GRPR: variants seen among roughly 807,000 people sequenced by gnomAD.
The protein encoded by GRPR is gastrin-releasing peptide receptor.
GRPR carries 4 observed loss-of-function variants against 15.6 expected under a neutral mutation model. The ratio of observed to expected loss-of-function variants is 0.26; its 90% CI spans 0.13 to 0.59. The LOEUF is 0.59. Among genes scored for constraint, GRPR ranks in the 20% least tolerant of loss-of-function variants. GRPR has a pLI of 0.90. For missense variants in GRPR, 270 were observed against 304.1 expected (o/e 0.89, Z 0.83); for synonymous variants, 128 against 126.8 (o/e 1.01, Z -0.06).
chrX:16,144,744 A>C (rs764382224), intron 1 of GRPR, among the ~76,000 whole-genome samples: 3 of 111,867 alleles, frequency 2.7e-5, no homozygotes, highest in African/African-American at 9.7e-5. Context: ...CAATTGTTTG[A>C]GCCCCATATT....
At chrX:16,124,427 T>A in intron 1 of GRPR, 61 bp downstream of exon 1, 1 of 1,028,168 alleles carries the variant, frequency 9.7e-7, no homozygotes, top group East Asian at 3.0e-5. Flanking sequence ...GTAAATGAAC[T>A]ACCATGTCGG....
intron 1 of GRPR, among the ~76,000 whole-genome samples, chrX:16,147,109 T>A (rs1922617908): frequency 8.9e-6 from 1 of 111,883 alleles, no homozygotes; most frequent in Non-Finnish European, 1.9e-5. Context: ...AGAAAATTGT[T>A]TGCAATGCAT....
chrX:16,145,586 A>G (rs747298046), intron 1 of GRPR, among the ~76,000 whole-genome samples: 6 of 112,256 alleles, frequency 5.3e-5, no homozygotes, highest in Non-Finnish European at 1.1e-4. Context: ...ACTATTTGTC[A>G]GCACAACAGG....
chrX:16,149,523 T>C (rs1012488952), intron 1 of GRPR, among the ~76,000 whole-genome samples: 2 of 109,593 alleles, frequency 1.8e-5, no homozygotes, highest in Non-Finnish European at 3.8e-5. Flanking sequence ...TTCTCCTGGG[T>C]ATTACTTTTT....
chrX:16,128,372 G>A (rs1380244801), intron 1 of GRPR, among the ~76,000 whole-genome samples: 3 of 110,780 alleles, frequency 2.7e-5, no homozygotes, highest in Admixed American at 1.9e-4. Context: ...AAAATTAGCC[G>A]GGTGTGGTGG....
chrX:16,139,461 A>AT lies in GRPR; in HGVS notation c.414-10830dup, dbSNP rs57778436. Among the ~76,000 whole-genome samples the AT allele has an allele frequency of 1.2e-3, 126 of 103,824 alleles. 1 individual carries two copies. The highest frequency in any genetic ancestry group is 2.4e-3 in the African/African-American group (68 of 28,786). The allele number at this position is 103,824 out of a possible 115,157, so 90.2% of individuals were successfully genotyped here. A position where few individuals can be genotyped will look rare whatever the true frequency, so the allele number is the denominator to read the frequency against. On this transcript the variant is annotated intron_variant, in intron 1 of 2. Coordinates refer to ENST00000380289, the MANE Select transcript of GRPR (RefSeq NM_005314.3). ...TCTTAAAACATGAGATTTTTTTGAG[A>AT]TTTTTTTTTTTTTTACTTGTCAGCT... is the stretch of plus-strand genomic sequence containing the variant.
At position 16,152,939 on chromosome X, in the gene GRPR, A is replaced by C; in HGVS notation, c.*294A>C. The C allele has an allele frequency of 5.8e-6, 2 of 343,067 alleles. No homozygotes were observed. The highest frequency in any genetic ancestry group is 5.2e-6 in the Non-Finnish European group (1 of 193,472). The allele number at this position is 343,067 out of a possible 1,213,427, so 28.3% of individuals were successfully genotyped here. ...TTTTTTAAGCCTCAAGCCCTGTTAA[A>C]TGGTCGTGGCCAATTATGTCATAGA... On this transcript the variant is annotated 3_prime_UTR_variant, in exon 3 of 3. Transcript: ENST00000380289.
chrX:16,152,940 T>G lies in GRPR; in HGVS notation c.*295T>G, dbSNP rs1028890599. The stretch of plus-strand genomic sequence containing the variant: ...TTTTTAAGCCTCAAGCCCTGTTAAA[T>G]GGTCGTGGCCAATTATGTCATAGAA... On this transcript the variant is annotated 3_prime_UTR_variant, in exon 3 of 3. Coordinates refer to ENST00000380289, the MANE Select transcript of GRPR (RefSeq NM_005314.3). The G allele has an allele frequency of 1.5e-5, 5 of 342,586 alleles. No individual in the cohort carries two copies. The highest frequency in any genetic ancestry group is 1.5e-5 in the Non-Finnish European group (3 of 193,923). 28.2% of individuals were successfully genotyped at this position (342,586 alleles called of 1,213,427 possible).
At chrX:16,147,421 T>C (rs1348696165) in intron 1 of GRPR, among the ~76,000 whole-genome samples, 1 of 112,077 alleles carries the variant, frequency 8.9e-6, no homozygotes, top group Non-Finnish European at 1.9e-5. Context: ...ATTTGGTTGA[T>C]ATGTCTTTCA....
intron 1 of GRPR, among the ~76,000 whole-genome samples, chrX:16,139,071 C>T (rs996225157): frequency 8.9e-6 from 1 of 112,236 alleles, no homozygotes; most frequent in Admixed American, 9.4e-5. Context: ...TGACTTTGGG[C>T]AAACCACTTT....
At chrX:16,127,128 C>A (rs753736902) in intron 1 of GRPR, among the ~76,000 whole-genome samples, 11 of 110,879 alleles carry the variant, frequency 9.9e-5, no homozygotes, top group Non-Finnish European at 1.9e-4. Context: ...GATTCCTAGG[C>A]CCTGTCCTAA....
chrX:16,141,378 A>G (rs1260774217), intron 1 of GRPR, among the ~76,000 whole-genome samples: 1 of 111,924 alleles, frequency 8.9e-6, no homozygotes, highest in Non-Finnish European at 1.9e-5. Flanking sequence ...AAGCTTCTAC[A>G]TCCCTCATAT....
At position 16,125,964 on chromosome X, in the gene GRPR, C is replaced by T. The variant is rs146739976; in HGVS notation, c.413+1598C>T. Reference sequence around the variant, plus strand: ...AATGGGAAGGAGAGATTTTGGTTTCCGGGTTGGTGAGTGCAGTGGTACAGA... The same window carrying T: ...AATGGGAAGGAGAGATTTTGGTTTCTGGGTTGGTGAGTGCAGTGGTACAGA... On this transcript the variant is annotated intron_variant, in intron 1 of 2. Transcript: ENST00000380289. Among the ~76,000 whole-genome samples, 10 of 111,105 alleles carry T rather than the reference C, an allele frequency of 9.0e-5. No individual in the cohort carries two copies. In the East Asian group the frequency reaches 2.0e-3, roughly 22 times the overall value.
At chrX:16,150,006 TTTAA>T (rs1448899703) in intron 1 of GRPR, among the ~76,000 whole-genome samples, 2 of 111,805 alleles carry the variant, frequency 1.8e-5, no homozygotes, top group African/African-American at 6.5e-5. Flanking sequence ...TTTATTTATT[TTTAA>T]TTGGCTTTAA....
intron 1 of GRPR, among the ~76,000 whole-genome samples, chrX:16,135,470 A>G (rs982954908): frequency 1.8e-5 from 2 of 112,210 alleles, no homozygotes; most frequent in East Asian, 2.8e-4. Context: ...GAAGTAGGGG[A>G]AAAATGCAAA....
In GRPR at chrX:16,133,263, A is replaced by T. The variant is rs763331299; in HGVS notation, c.413+8897A>T. Reference sequence around the variant, plus strand: ...CTGATAGAATCTACTACAAATTGGAACTTTCCTACTTCCTGGACAATGTAA... The same window carrying T: ...CTGATAGAATCTACTACAAATTGGATCTTTCCTACTTCCTGGACAATGTAA... On this transcript the variant is annotated intron_variant, in intron 1 of 2. Coordinates refer to ENST00000380289, the MANE Select transcript of GRPR (RefSeq NM_005314.3). Among the ~76,000 whole-genome samples, 111 of 111,865 alleles carry T rather than the reference A, an allele frequency of 9.9e-4. 1 individual carries two copies. Among genetic ancestry groups the T allele is most frequent in the African/African-American group, 3.5e-3 (107 of 30,925 alleles).
chrX:16,152,201 C>G (rs903222437), intron 2 of GRPR, 55 bp from the exon 3 acceptor site: 1 of 1,014,759 alleles, frequency 9.9e-7, no homozygotes, highest in African/African-American at 1.9e-5. Context: ...TCTCTGCATT[C>G]TTCTGACACT....
In GRPR at chrX:16,124,150, G is replaced by A. The variant is rs1039967728; in HGVS notation, c.197G>A (p.Cys66Tyr). 1.7e-6 allele frequency: 2 copies of A among 1,207,735 alleles called. No individual in the cohort carries two copies. The highest frequency in any genetic ancestry group is 2.2e-6 in the Non-Finnish European group (2 of 891,927). ...IGNITLIKIFCTVKSMRNVPN... is the reference protein window; with the variant it reads ...IGNITLIKIFYTVKSMRNVPN... The stretch of plus-strand genomic sequence containing the variant: ...AACATCACTTTGATCAAGATCTTCT[G>A]TACAGTCAAGTCCATGCGAAACGTT... The change falls in exon 1 of 3, where the codon TGT (cysteine) becomes TAT (tyrosine). Residue 66 changes from cysteine (C) to tyrosine (Y), a missense_variant. Cys to Tyr is a radical substitution (Grantham distance 194). This residue lies in a region of GRPR where 115 missense variants were observed against 128.8 expected (regional missense o/e 0.89). Transcript: ENST00000380289.
intron 1 of GRPR, among the ~76,000 whole-genome samples, chrX:16,132,500 G>T (rs1245104971): frequency 9.0e-6 from 1 of 111,483 alleles, no homozygotes; most frequent in East Asian, 2.8e-4. Flanking sequence ...TTAAATAACT[G>T]TCTGACACAC....
Sources: gnomAD v4.1 joint callset for allele counts (sites outside exome capture counted in the v4.1 genomes callset) on GRCh38, gnomAD v4.1.1 for gene constraint, gnomAD v4.1.1 regional missense constraint, MANE v1.5 for transcripts, NCBI Gene and HGNC (gene_info 2026-07-23, HGNC 2026-07-21) for gene names.